The following PRKCB variants were observed in gnomAD, a reference collection of about 807,000 sequenced individuals.
PRKCB encodes protein kinase C beta type.
In PRKCB, 13 loss-of-function variants were observed where a neutral mutation model predicts 81.5. The observed-to-expected ratio is 0.16, with a 90% confidence interval of 0.10 to 0.25. The LOEUF (loss-of-function observed/expected upper bound fraction) is 0.25. PRKCB is among the 10% of genes least tolerant of loss of function. PRKCB has a pLI of 1.00. For missense variants in PRKCB, 509 were observed against 875.7 expected (o/e 0.58, Z 5.29); for synonymous variants, 335 against 321.4 (o/e 1.04, Z -0.45).
chr16:24,004,812 A>C (rs1225660118), intron 3 of PRKCB, among the ~76,000 whole-genome samples: 4 of 152,188 alleles, frequency 2.6e-5, no homozygotes, highest in African/African-American at 7.2e-5. Flanking sequence ...AGAATTACTA[A>C]ATCTAATCAT....
At position 24,220,609 on chromosome 16, in the gene PRKCB, C is replaced by T. The variant is rs1207725363; in HGVS notation, c.*5793C>T. On this transcript the variant is annotated 3_prime_UTR_variant, in exon 17 of 17. Coordinates refer to ENST00000643927, the MANE Select transcript of PRKCB (RefSeq NM_002738.7). ...TATGATTAAACTGAATTAATATATG[C>T]AAGCTCTTGTTTATATGTCTTTTCT... 1 of 152,882 alleles carries T rather than the reference C, an allele frequency of 6.5e-6. No homozygotes were observed. The highest frequency in any genetic ancestry group is 1.5e-5 in the Non-Finnish European group (1 of 68,586). 9.5% of individuals were successfully genotyped at this position (152,882 alleles called of 1,614,324 possible).
At chr16:23,877,828 C>CTTT (rs112814112) in intron 2 of PRKCB, among the ~76,000 whole-genome samples, 1 of 142,592 alleles carries the variant, frequency 7.0e-6, no homozygotes. Context: ...GCAGTCACTT[C>CTTT]TTTTTTTTTT....
At chr16:24,200,549 G>T (rs1365828629) in intron 16 of PRKCB, among the ~76,000 whole-genome samples, 4 of 152,164 alleles carry the variant, frequency 2.6e-5, no homozygotes, top group African/African-American at 7.2e-5. Context: ...ATAAAGAAAA[G>T]AAATTTATTT....
intron 8 of PRKCB, among the ~76,000 whole-genome samples, chr16:24,123,285 G>A (rs1179101894): frequency 1.3e-5 from 2 of 152,304 alleles, no homozygotes; most frequent in East Asian, 1.9e-4. Context: ...GGTTGGAGGG[G>A]CCTGGGACAT....
At chr16:23,852,472 A>C (rs1198299306) in intron 2 of PRKCB, among the ~76,000 whole-genome samples, 1 of 152,158 alleles carries the variant, frequency 6.6e-6, no homozygotes, top group East Asian at 1.9e-4. Flanking sequence ...ATCCCACTTG[A>C]TCATGGTGAA....
intron 9 of PRKCB, among the ~76,000 whole-genome samples, chr16:24,150,445 G>C (rs1967061755): frequency 6.6e-6 from 1 of 152,214 alleles, no homozygotes; most frequent in Non-Finnish European, 1.5e-5. Context: ...AAATTCTTGG[G>C]AGGGGGAATC....
In PRKCB at chr16:23,990,271, A is replaced by G. The variant is rs140694958; in HGVS notation, c.288+1681A>G. Among the ~76,000 whole-genome samples, 979 of 152,102 alleles carry G rather than the reference A, an allele frequency of 6.4e-3. 9 individuals carry two copies. The highest frequency in any genetic ancestry group is 0.023 in the African/African-American group (937 of 41,494). On this transcript the variant is annotated intron_variant, in intron 3 of 16. Transcript: ENST00000643927. Reference sequence around the variant, plus strand: ...CAGGAGATCGAAACCATCCTGGCTAACATGGTGAAACCCCGTCTCTACTAA... The same window carrying G: ...CAGGAGATCGAAACCATCCTGGCTAGCATGGTGAAACCCCGTCTCTACTAA...
In PRKCB at chr16:24,092,904, A is replaced by G; in HGVS notation, c.643A>G (p.Ile215Val). ...TGAGAGCAAACAGAAGACCAAAACCATCAAATGCTCCCTCAACCCTGAGTG... is the reference window on the plus strand; with the variant it reads ...TGAGAGCAAACAGAAGACCAAAACCGTCAAATGCTCCCTCAACCCTGAGTG... ...KSESKQKTKT[I>V]KCSLNPEWNE... is the part of the protein sequence containing the mutation. The change falls in exon 6 of 17, where the codon ATC (isoleucine) becomes GTC (valine). Residue 215 changes from isoleucine to valine, a missense_variant. Physicochemically the swap from Ile to Val is conservative, Grantham distance 29. Around this residue, in one of 6 missense-constraint regions of PRKCB, gnomAD observed 184 missense variants for 362.9 expected, o/e 0.51. Transcript: ENST00000643927. 6.2e-7 allele frequency: 1 copy of G among 1,614,104 alleles called. No homozygotes were observed. Among genetic ancestry groups the G allele is most frequent in the Non-Finnish European group, 8.5e-7 (1 of 1,180,028 alleles).
At chr16:24,129,474 G>A (rs1374658977) in intron 9 of PRKCB, among the ~76,000 whole-genome samples, 1 of 151,566 alleles carries the variant, frequency 6.6e-6, no homozygotes, top group Admixed American at 6.6e-5. Flanking sequence ...AAAAAAAAAC[G>A]AAGTGACTCT....
intron 2 of PRKCB, among the ~76,000 whole-genome samples, chr16:23,971,141 T>A (rs567261274): frequency 2.0e-5 from 3 of 152,324 alleles, no homozygotes; most frequent in Non-Finnish European, 2.9e-5. Flanking sequence ...TTCACTACTG[T>A]TTTAGTATTA....
intron 2 of PRKCB, among the ~76,000 whole-genome samples, chr16:23,843,125 C>CA (rs1962295888): frequency 6.6e-6 from 1 of 152,074 alleles, no homozygotes; most frequent in East Asian, 1.9e-4. Context: ...ATTTATATAA[C>CA]AAAAAATGAA....
At chr16:24,061,783 C>T (rs888665363) in intron 5 of PRKCB, among the ~76,000 whole-genome samples, 3 of 151,892 alleles carry the variant, frequency 2.0e-5, no homozygotes, top group African/African-American at 7.3e-5. Flanking sequence ...AACAGAAAAG[C>T]ACTCTATACA....
At chr16:23,948,522 G>A (rs1964234008) in intron 2 of PRKCB, among the ~76,000 whole-genome samples, 2 of 152,114 alleles carry the variant, frequency 1.3e-5, no homozygotes, top group African/African-American at 4.8e-5. Flanking sequence ...TCATGCCGCA[G>A]CCTCCCAGGT....
intron 2 of PRKCB, among the ~76,000 whole-genome samples, chr16:23,863,632 T>C (rs1278384092): frequency 6.6e-6 from 1 of 152,232 alleles, no homozygotes; most frequent in Non-Finnish European, 1.5e-5. Flanking sequence ...CATTTTCGTA[T>C]GGAAAGTGTC....
intron 5 of PRKCB, among the ~76,000 whole-genome samples, chr16:24,062,643 T>C (rs2141878735): frequency 6.6e-6 from 1 of 152,240 alleles, no homozygotes; most frequent in African/African-American, 2.4e-5. Flanking sequence ...CAGAACACAC[T>C]GGGTAACCAA....
chr16:24,146,383 C>T (rs1966989319), intron 9 of PRKCB, among the ~76,000 whole-genome samples: 1 of 152,170 alleles, frequency 6.6e-6, no homozygotes, highest in Non-Finnish European at 1.5e-5. Flanking sequence ...CACTAAGATA[C>T]TTTATCCCAT....
chr16:24,136,207 G>A (rs1037518877), intron 9 of PRKCB, among the ~76,000 whole-genome samples: 7 of 150,532 alleles, frequency 4.7e-5, no homozygotes, highest in Non-Finnish European at 4.4e-5. Flanking sequence ...CTGCTCTTCC[G>A]CAGCCTCTGC....
At chr16:23,865,468 T>C (rs1364998325) in intron 2 of PRKCB, among the ~76,000 whole-genome samples, 1 of 526 alleles carries the variant, frequency 1.9e-3, no homozygotes, top group Non-Finnish European at 3.0e-3. Flanking sequence ...ATGCCCGGCA[T>C]ATATATATAT....
intron 12 of PRKCB, among the ~76,000 whole-genome samples, chr16:24,177,257 A>G (rs929097913): frequency 9.9e-5 from 15 of 152,210 alleles, no homozygotes; most frequent in African/African-American, 3.4e-4. Flanking sequence ...GGATCCATGG[A>G]TCCGGCTCAC....
Sources: gnomAD v4.1 joint callset for allele counts (sites outside exome capture counted in the v4.1 genomes callset) on GRCh38, gnomAD v4.1.1 for gene constraint, gnomAD v4.1.1 regional missense constraint, MANE v1.5 for transcripts, NCBI Gene and HGNC (gene_info 2026-07-23, HGNC 2026-07-21) for gene names.